MSRA: variants seen among roughly 807,000 people sequenced by gnomAD.
MSRA encodes methionine sulfoxide reductase A.
A neutral mutation model predicts 31.3 loss-of-function variants in MSRA; 54 were observed. The ratio of observed to expected loss-of-function variants is 1.73; its 90% CI spans 1.39 to 2.17. The LOEUF is 2.17. Among genes scored for constraint, MSRA ranks in the 30% most tolerant of loss-of-function variants. MSRA has a pLI of 0.00. For synonymous variants in MSRA, 169 were observed against 116.5 expected (o/e 1.45, Z -2.90); for missense variants, 507 against 300.9 (o/e 1.69, Z -5.07).
chr8:10,426,548 C>T (rs553933318), intron 5 of MSRA, among the ~76,000 whole-genome samples: 1 of 152,322 alleles, frequency 6.6e-6, no homozygotes, highest in Admixed American at 6.5e-5. Context: ...TCTTCTTTTA[C>T]GTAGCCTGCC....
intron 2 of MSRA, among the ~76,000 whole-genome samples, chr8:10,211,152 CT>C (rs1198328188): frequency 6.6e-6 from 1 of 152,052 alleles, no homozygotes; most frequent in African/African-American, 2.4e-5. Context: ...TTCCATGAAG[CT>C]TTTAGATTAG....
rs370639102 is a variant in MSRA at position 10,135,552 on chromosome 8, A to G, written c.143-72281A>G. On this transcript the variant is annotated intron_variant, in intron 1 of 5. Transcript: ENST00000317173. ...GTATTATATTAGGTATTTAATATAC[A>G]TGATGACACTTAAATTTATACTATG... Among the ~76,000 whole-genome samples, 16 of 152,364 alleles carry G rather than the reference A, an allele frequency of 1.1e-4. 1 individual carries two copies. Among genetic ancestry groups the G allele is most frequent in the African/African-American group, 3.8e-4 (16 of 41,584 alleles).
chr8:10,216,953 C>T lies in MSRA; in HGVS notation c.211+9052C>T, dbSNP rs911427017. ...GAATTGCTGGAGCATATGGTAATTC[C>T]ATGTTTAATTTTTTGAGGAGCTGCC... is the stretch of plus-strand genomic sequence containing the variant. On this transcript the variant is annotated intron_variant, in intron 2 of 5. Transcript: ENST00000317173. 5.3e-5 allele frequency among the ~76,000 whole-genome samples: 8 copies of T among 152,164 alleles called. No individual in the cohort carries two copies. The South Asian group carries it at 1.7e-3, about 32-fold the overall frequency.
intron 1 of MSRA, among the ~76,000 whole-genome samples, chr8:10,098,605 T>G (rs1464328860): frequency 2.6e-5 from 4 of 152,206 alleles, no homozygotes; most frequent in Non-Finnish European, 4.4e-5. Context: ...ATAATGAGAT[T>G]AATTTCAACA....
intron 1 of MSRA, among the ~76,000 whole-genome samples, chr8:10,077,021 A>T (rs558450036): frequency 6.8e-6 from 1 of 146,606 alleles, no homozygotes; most frequent in Admixed American, 7.1e-5. Context: ...AAACCTGCAC[A>T]TCCTGCACAT....
chr8:10,259,560 C>T (rs1429143666), intron 3 of MSRA, among the ~76,000 whole-genome samples: 1 of 152,148 alleles, frequency 6.6e-6, no homozygotes, highest in African/African-American at 2.4e-5. Context: ...CACTGTCCCT[C>T]CCTTTCCCCA....
chr8:10,391,696 A>C (rs1028347803), intron 5 of MSRA, among the ~76,000 whole-genome samples: 4 of 152,162 alleles, frequency 2.6e-5, no homozygotes, highest in African/African-American at 9.7e-5. Flanking sequence ...CTACACGAGC[A>C]CGCCTAACAG....
intron 1 of MSRA, among the ~76,000 whole-genome samples, chr8:10,059,486 CTCTTTT>C (rs1802584815): frequency 6.6e-6 from 1 of 152,190 alleles, no homozygotes; most frequent in Admixed American, 6.5e-5. Flanking sequence ...AACTCCTATA[CTCTTTT>C]TCCATTTAGG....
At chr8:10,299,844 A>G (rs1416717934) in intron 3 of MSRA, among the ~76,000 whole-genome samples, 1 of 152,240 alleles carries the variant, frequency 6.6e-6, no homozygotes, top group Non-Finnish European at 1.5e-5. Context: ...GAAATTTAAA[A>G]ATGTTTAGAA....
At chr8:10,126,052 G>A (rs923998614) in intron 1 of MSRA, among the ~76,000 whole-genome samples, 1 of 152,210 alleles carries the variant, frequency 6.6e-6, no homozygotes, top group Non-Finnish European at 1.5e-5. Context: ...TAGAAGGAAA[G>A]CAGGGAAAAC....
At chr8:10,261,082 C>G (rs1169035176) in intron 3 of MSRA, among the ~76,000 whole-genome samples, 3 of 151,920 alleles carry the variant, frequency 2.0e-5, no homozygotes, top group Non-Finnish European at 4.4e-5. Context: ...TAAACTAAAA[C>G]AAAAGTAATT....
intron 5 of MSRA, among the ~76,000 whole-genome samples, chr8:10,400,936 A>G (rs1807423377): frequency 6.6e-6 from 1 of 152,258 alleles, no homozygotes; most frequent in African/African-American, 2.4e-5. Context: ...AGGAAAACAT[A>G]GAGGAAAGTC....
At chr8:10,258,927 C>T (rs769462453) in intron 3 of MSRA, among the ~76,000 whole-genome samples, 5 of 152,016 alleles carry the variant, frequency 3.3e-5, no homozygotes, top group Admixed American at 1.3e-4. Flanking sequence ...GCCAACATGT[C>T]GAAACCCTGT....
chr8:10,184,546 T>G (rs1490141612), intron 1 of MSRA, among the ~76,000 whole-genome samples: 1 of 152,196 alleles, frequency 6.6e-6, no homozygotes, highest in East Asian at 1.9e-4. Context: ...ATTATTATTT[T>G]TAACACTTCC....
At chr8:10,124,135 C>CT (rs1276792228) in intron 1 of MSRA, among the ~76,000 whole-genome samples, 1 of 152,052 alleles carries the variant, frequency 6.6e-6, no homozygotes. Context: ...CAGAAGACAT[C>CT]TAGAAACATA....
chr8:10,139,073 T>G (rs1260051842), intron 1 of MSRA, among the ~76,000 whole-genome samples: 1 of 152,218 alleles, frequency 6.6e-6, no homozygotes, highest in Admixed American at 6.5e-5. Context: ...TTCATTACTA[T>G]CCCATTAGAA....
At chr8:10,383,249 G>T (rs1450607844) in intron 5 of MSRA, among the ~76,000 whole-genome samples, 1 of 152,150 alleles carries the variant, frequency 6.6e-6, no homozygotes, top group Non-Finnish European at 1.5e-5. Flanking sequence ...GTGAGATGGG[G>T]GTCACAGGTG....
chr8:10,176,652 A>G (rs1390384010), intron 1 of MSRA, among the ~76,000 whole-genome samples: 1 of 152,220 alleles, frequency 6.6e-6, no homozygotes, highest in African/African-American at 2.4e-5. Context: ...ATAAAGGTAC[A>G]GAAATTTGAC....
At chr8:10,154,535 G>C (rs989396048) in intron 1 of MSRA, among the ~76,000 whole-genome samples, 5 of 151,868 alleles carry the variant, frequency 3.3e-5, no homozygotes, top group Admixed American at 1.3e-4. Context: ...CCGCCACCAC[G>C]CCCAACTAAT....
Sources: gnomAD v4.1 joint callset for allele counts (sites outside exome capture counted in the v4.1 genomes callset) on GRCh38, gnomAD v4.1.1 for gene constraint, MANE v1.5 for transcripts, NCBI Gene and HGNC (gene_info 2026-07-23, HGNC 2026-07-21) for gene names.